Variants in CACNA1D observed in about 807,000 individuals in gnomAD.
CACNA1D encodes the protein calcium voltage-gated channel subunit alpha1 D.
CACNA1D carries 55 observed loss-of-function variants against 257.1 expected under a neutral mutation model. The ratio of observed to expected loss-of-function variants is 0.21; its 90% CI spans 0.17 to 0.27. CACNA1D has a LOEUF of 0.27. CACNA1D is among the 10% of genes least tolerant of loss of function. The probability of loss-of-function intolerance (pLI) is 1.00; values close to 1 mark genes in which losing one functional copy is unlikely to be tolerated. For synonymous variants in CACNA1D, 980 were observed against 1,014.9 expected (o/e 0.97, Z 0.65); for missense variants, 1,876 against 2,784.0 (o/e 0.67, Z 7.34).
chr3:53,809,554 C>G, intron 46 of CACNA1D: 1 of 280,404 alleles, frequency 3.6e-6, no homozygotes. Flanking sequence ...CTCTAGGATG[C>G]ATTACTCCAG....
At chr3:53,803,601 G>A (rs370729429) in intron 44 of CACNA1D, 29 bp downstream of exon 44, 317 of 1,610,622 alleles carry the variant, frequency 2.0e-4, no homozygotes, top group East Asian at 3.6e-4. Flanking sequence ...TGTGGAGAGC[G>A]GGAGGCCGCC....
At chr3:53,687,575 G>A (rs2094484242) in intron 8 of CACNA1D, among the ~76,000 whole-genome samples, 1 of 149,924 alleles carries the variant, frequency 6.7e-6, no homozygotes. Context: ...TGATGCTCAG[G>A]TCATACCAGA....
chr3:53,629,033 A>G (rs2093791816), intron 3 of CACNA1D, among the ~76,000 whole-genome samples: 2 of 152,352 alleles, frequency 1.3e-5, no homozygotes, highest in South Asian at 2.1e-4. Flanking sequence ...AGAATTGAAT[A>G]GTAAATATTC....
chr3:53,529,317 C>A (rs2091871002), intron 3 of CACNA1D, among the ~76,000 whole-genome samples: 10 of 152,110 alleles, frequency 6.6e-5, no homozygotes, highest in Admixed American at 6.5e-4. Context: ...TTGAATTTTG[C>A]ATGTTAAACC....
At chr3:53,784,849 G>T (rs1247890295) in intron 39 of CACNA1D, among the ~76,000 whole-genome samples, 1 of 152,230 alleles carries the variant, frequency 6.6e-6, no homozygotes, top group Non-Finnish European at 1.5e-5. Context: ...CCAGCAGCCA[G>T]TGTGGCTGGA....
At chr3:53,803,088 C>T (rs775013349) in intron 43 of CACNA1D, among the ~76,000 whole-genome samples, 1 of 152,084 alleles carries the variant, frequency 6.6e-6, no homozygotes, top group Non-Finnish European at 1.5e-5. Context: ...CCCTGGGAAC[C>T]CAGGGTCTTT....
rs377480715 is a variant in CACNA1D, at chr3:53,543,767, C to T, written c.483+42047C>T. ...TGAGATTCAGAGGGCTTAGATATCT[C>T]GTCCAGGGTCACATGGCTGGTAAAT... On this transcript the variant is annotated intron_variant, in intron 3 of 47. Transcript: ENST00000350061. Among the ~76,000 whole-genome samples the T allele has an allele frequency of 1.1e-4, 16 of 152,278 alleles. No individual in the cohort carries two copies. The South Asian group carries it at 2.5e-3, about 24-fold the overall frequency.
At chr3:53,609,825 TC>T (rs1347978282) in intron 3 of CACNA1D, among the ~76,000 whole-genome samples, 8 of 152,342 alleles carry the variant, frequency 5.3e-5, no homozygotes, top group African/African-American at 1.9e-4. Flanking sequence ...AATTTGGTAA[TC>T]TTTTCTGTGG....
chr3:53,702,931 T>C (rs1305087163), intron 9 of CACNA1D, 121 bp downstream of exon 9: 7 of 995,316 alleles, frequency 7.0e-6, no homozygotes, highest in Non-Finnish European at 1.1e-5. Context: ...CCCAGCCATC[T>C]GGTCCCTTCT....
chr3:53,759,413 G>A (rs1382713758), intron 29 of CACNA1D, among the ~76,000 whole-genome samples: 1 of 152,208 alleles, frequency 6.6e-6, no homozygotes, highest in Non-Finnish European at 1.5e-5. Context: ...TTGGCCTTTG[G>A]GAAATGACAT....
chr3:53,761,934 A>C, intron 29 of CACNA1D, 64 bp from the exon 30 acceptor site: 1 of 1,146,778 alleles, frequency 8.7e-7, no homozygotes, highest in South Asian at 1.2e-5. Flanking sequence ...TCGCCCCTAT[A>C]CGGTCCGTGT....
chr3:53,497,234 C>T lies in CACNA1D; in HGVS notation c.150C>T (p.Val50=), dbSNP rs1282404129. 1 of 1,614,158 alleles carries T rather than the reference C, an allele frequency of 6.2e-7. No individual in the cohort carries two copies. Among genetic ancestry groups the T allele is most frequent in the Admixed American group, 1.7e-5 (1 of 60,010 alleles). ...TSQPNSSKQT[V]LSWQAAIDAA... is the part of the protein sequence containing the mutation. ...AGCCGAATAGCTCCAAGCAAACTGT[C>T]CTGTCTTGGCAAGCTGCAATCGATG... Residue 50 remains valine, a synonymous_variant, in exon 2 of 48, where the codon GTC becomes GTT. Transcript: ENST00000350061.
rs140137032 is a variant in CACNA1D at position 53,644,074 on chromosome 3, G to A, written c.484-6705G>A. On this transcript the variant is annotated intron_variant, in intron 3 of 47. Coordinates refer to ENST00000350061, the MANE Select transcript of CACNA1D (RefSeq NM_001128840.3). The stretch of plus-strand genomic sequence containing the variant: ...CCCATTTATTTATTCATTTATAAAT[G>A]CGGAATATCTATTTTTGTGACAGGC... Among the ~76,000 whole-genome samples, 9 of 152,302 alleles carry A rather than the reference G, an allele frequency of 5.9e-5. No homozygotes were observed. The East Asian group carries it at 1.7e-3, about 29-fold the overall frequency.
At chr3:53,561,716 C>A (rs1273577345) in intron 3 of CACNA1D, among the ~76,000 whole-genome samples, 1 of 152,156 alleles carries the variant, frequency 6.6e-6, no homozygotes, top group African/African-American at 2.4e-5. Context: ...TTGCCACTTT[C>A]TTTGAACCCT....
intron 40 of CACNA1D, among the ~76,000 whole-genome samples, chr3:53,788,991 C>T (rs2095470572): frequency 6.6e-6 from 1 of 152,128 alleles, no homozygotes; most frequent in South Asian, 2.1e-4. Context: ...GCACAAACAA[C>T]ACACAGCTAA....
At chr3:53,598,806 C>T (rs1335683044) in intron 3 of CACNA1D, among the ~76,000 whole-genome samples, 5 of 152,254 alleles carry the variant, frequency 3.3e-5, no homozygotes, top group South Asian at 2.1e-4. Context: ...GCTGGCAAAG[C>T]GGGATGTGCC....
At chr3:53,508,688 GTGTT>G (rs776226567) in intron 3 of CACNA1D, among the ~76,000 whole-genome samples, 3 of 152,036 alleles carry the variant, frequency 2.0e-5, no homozygotes, top group Non-Finnish European at 4.4e-5. Flanking sequence ...TTCCTCATTG[GTGTT>G]TGTTTACTTT....
chr3:53,504,678 A>G (rs926914101), intron 3 of CACNA1D, among the ~76,000 whole-genome samples: 10 of 151,926 alleles, frequency 6.6e-5, no homozygotes, highest in Admixed American at 5.2e-4. Flanking sequence ...AGCAAATACC[A>G]TTGATTTTAT....
chr3:53,694,887 G>A (rs2094559736), intron 8 of CACNA1D, among the ~76,000 whole-genome samples: 3 of 152,130 alleles, frequency 2.0e-5, no homozygotes, highest in South Asian at 4.2e-4. Context: ...GTCACAGTGG[G>A]GTGGGCTCAG....
Sources: gnomAD v4.1 joint callset for allele counts (sites outside exome capture counted in the v4.1 genomes callset) on GRCh38, gnomAD v4.1.1 for gene constraint, MANE v1.5 for transcripts, NCBI Gene and HGNC (gene_info 2026-07-23, HGNC 2026-07-21) for gene names.